TBXAS1: variants seen among roughly 807,000 people sequenced by gnomAD.
The protein encoded by TBXAS1 is thromboxane A synthase 1, also known as thromboxane-A synthase.
Under a neutral mutation model 60.7 loss-of-function variants are expected in TBXAS1, and 48 were observed. The observed-to-expected ratio is 0.79, with a 90% CI of 0.63 to 1.01. The LOEUF is 1.01. TBXAS1 is among the 50% of genes least tolerant of loss of function. The pLI is 0.00. For missense variants in TBXAS1, 685 were observed against 686.3 expected (o/e 1.00, Z 0.02); for synonymous variants, 287 against 269.7 (o/e 1.06, Z -0.63).
intron 4 of TBXAS1, among the ~76,000 whole-genome samples, chr7:139,932,781 G>A (rs1346733929): frequency 6.6e-6 from 1 of 152,128 alleles, no homozygotes; most frequent in Non-Finnish European, 1.5e-5. Flanking sequence ...AAGAGGCCAG[G>A]CACAGTGGCT....
At chr7:139,897,921 C>A (rs1051262684) in intron 3 of TBXAS1, among the ~76,000 whole-genome samples, 3 of 152,188 alleles carry the variant, frequency 2.0e-5, no homozygotes, top group Non-Finnish European at 4.4e-5. Flanking sequence ...TGTCATTCAG[C>A]TGACTCAAGC....
At chr7:139,792,642 A>G (rs1427071958) in intron 4 of TBXAS1, among the ~76,000 whole-genome samples, 4 of 152,226 alleles carry the variant, frequency 2.6e-5, no homozygotes, top group African/African-American at 9.6e-5. Flanking sequence ...CTTTATCTGC[A>G]GGGATGAGGG....
chr7:139,904,647 G>A (rs922457621), intron 3 of TBXAS1, among the ~76,000 whole-genome samples: 1 of 152,076 alleles, frequency 6.6e-6, no homozygotes, highest in African/African-American at 2.4e-5. Flanking sequence ...AGTTTTCCTT[G>A]TAGAGTTCTT....
At chr7:139,977,972 G>A (rs894541177) in intron 9 of TBXAS1, among the ~76,000 whole-genome samples, 7 of 152,088 alleles carry the variant, frequency 4.6e-5, no homozygotes, top group African/African-American at 7.2e-5. Context: ...CATAACACAC[G>A]GACCATTCAG....
intron 4 of TBXAS1, among the ~76,000 whole-genome samples, chr7:139,804,795 A>C (rs1797804587): frequency 6.6e-6 from 1 of 152,148 alleles, no homozygotes; most frequent in Non-Finnish European, 1.5e-5. Context: ...TTTCCACCAT[A>C]ATTGTGAGGC....
intron 4 of TBXAS1, among the ~76,000 whole-genome samples, chr7:139,803,383 G>C (rs1025906257): frequency 1.3e-5 from 2 of 152,180 alleles, no homozygotes; most frequent in African/African-American, 4.8e-5. Context: ...TTTAGGGTAT[G>C]TGGTGGAAGA....
At chr7:139,990,840 T>C (rs1349545102) in intron 9 of TBXAS1, among the ~76,000 whole-genome samples, 2 of 152,116 alleles carry the variant, frequency 1.3e-5, no homozygotes, top group Admixed American at 1.3e-4. Flanking sequence ...TTCCCTCCTG[T>C]GGCAGAGTCA....
chr7:139,916,705 C>A lies in TBXAS1; in HGVS notation c.333+5384C>A, dbSNP rs1806008681. On this transcript the variant is annotated intron_variant, in intron 4 of 12. Coordinates refer to ENST00000448866, the MANE Select transcript of TBXAS1 (RefSeq NM_001061.7). This position sits in a 1 kb window ranked among gnomAD's most constrained non-coding sequence, Gnocchi z 4.2. ...AATTAGTCACTGGAAACCTTCCTGT[C>A]CTCTGTATCTGCAGCAGCCTCCTAT... is the stretch of plus-strand genomic sequence containing the variant. Among the ~76,000 whole-genome samples, 1 of 152,196 alleles carries A rather than the reference C, an allele frequency of 6.6e-6. No individual in the cohort carries two copies. Among genetic ancestry groups the A allele is most frequent in the Admixed American group, 6.5e-5 (1 of 15,284 alleles).
chr7:139,857,576 T>C (rs1206376705), intron 1 of TBXAS1, among the ~76,000 whole-genome samples: 1 of 152,180 alleles, frequency 6.6e-6, no homozygotes, highest in African/African-American at 2.4e-5. Context: ...GTTTTCACAA[T>C]AGAAACACAC....
intron 1 of TBXAS1, among the ~76,000 whole-genome samples, chr7:139,842,642 G>A (rs1041681758): frequency 1.3e-5 from 2 of 152,218 alleles, no homozygotes; most frequent in Non-Finnish European, 2.9e-5. Flanking sequence ...ACCAGAAATA[G>A]GTGCTGTTGC....
intron 4 of TBXAS1, among the ~76,000 whole-genome samples, chr7:139,809,750 C>T (rs187659290): frequency 1.1e-3 from 175 of 152,252 alleles, no homozygotes; most frequent in Non-Finnish European, 2.2e-3. Flanking sequence ...GTGGATTCAC[C>T]TGCCTTTTTG....
intron 1 of TBXAS1, among the ~76,000 whole-genome samples, chr7:139,865,185 T>C (rs1235133496): frequency 6.6e-6 from 1 of 152,000 alleles, no homozygotes; most frequent in Non-Finnish European, 1.5e-5. Flanking sequence ...GGACACTAGG[T>C]GCTAAAAGGG....
Position 139,999,279 on chromosome 7 carries a change from C to T in TBXAS1, c.1135-7812C>T, listed in dbSNP as rs1307014117. ...ATGGCTTACGCCTATAATCCCAGCA[C>T]TTTGGGAGGCCGAGGTGGGTGAATC... On this transcript the variant is annotated intron_variant, in intron 9 of 12. Transcript: ENST00000448866. The surrounding 1 kb of genome is among the most constrained non-coding windows in gnomAD (Gnocchi z 4.3). 6.6e-6 allele frequency among the ~76,000 whole-genome samples: 1 copy of T among 152,228 alleles called. No homozygotes were observed. Among genetic ancestry groups the T allele is most frequent in the African/African-American group, 2.4e-5 (1 of 41,460 alleles).
rs1480813476 is a variant in TBXAS1, at chr7:139,975,119, T to G, written c.1134+12886T>G. On this transcript the variant is annotated intron_variant, in intron 9 of 12. Transcript: ENST00000448866. The surrounding 1 kb of genome is among the most constrained non-coding windows in gnomAD (Gnocchi z 4.4). Reference sequence around the variant, plus strand: ...TTTCTTCGCCAGAAAACCTCAGTTTTTGCTCTTACGGCCTTCAACCGATTG... The same window carrying G: ...TTTCTTCGCCAGAAAACCTCAGTTTGTGCTCTTACGGCCTTCAACCGATTG... Among the ~76,000 whole-genome samples the G allele has an allele frequency of 6.6e-6, 1 of 152,222 alleles. No individual in the cohort carries two copies. The highest frequency in any genetic ancestry group is 6.5e-5 in the Admixed American group (1 of 15,290).
intron 5 of TBXAS1, among the ~76,000 whole-genome samples, chr7:139,943,334 C>G (rs1478887948): frequency 1.1e-4 from 16 of 152,296 alleles, no homozygotes; most frequent in African/African-American, 3.8e-4. Flanking sequence ...GACCATTATC[C>G]TGAGACACAG....
rs111842079 is a variant in TBXAS1 at position 140,013,917 on chromosome 7, A to T, written c.1227-1806A>T. On this transcript the variant is annotated intron_variant, in intron 10 of 12. Transcript: ENST00000448866. The surrounding 1 kb of genome is among the most constrained non-coding windows in gnomAD (Gnocchi z 4.2). ...GGCTTCTGATCTGCTGCCGTCCCCG[A>T]TTCATGGCCTCACTTCACCCACTGA... Among the ~76,000 whole-genome samples the T allele has an allele frequency of 1.3e-5, 2 of 152,098 alleles. No homozygotes were observed. The highest frequency in any genetic ancestry group is 2.4e-5 in the African/African-American group (1 of 41,406).
At chr7:139,958,684 C>T (rs891205962) in intron 8 of TBXAS1, among the ~76,000 whole-genome samples, 9 of 152,210 alleles carry the variant, frequency 5.9e-5, no homozygotes, top group African/African-American at 2.2e-4. Flanking sequence ...CGGCCTTGGG[C>T]AGCAGCCGCG....
intron 9 of TBXAS1, chr7:139,962,796 GATATAAC>G: frequency 6.3e-6 from 1 of 159,762 alleles, no homozygotes; most frequent in Non-Finnish European, 1.4e-5. Flanking sequence ...GTTTATAGCA[GATATAAC>G]GAGGGTGCTG....
intron 9 of TBXAS1, among the ~76,000 whole-genome samples, chr7:139,985,121 C>G (rs1168022909): frequency 1.3e-5 from 2 of 152,222 alleles, no homozygotes; most frequent in African/African-American, 4.8e-5. Context: ...TAAGGCAGGA[C>G]TTTCCACGAG....
Sources: allele counts gnomAD v4.1 joint callset (sites outside exome capture counted in the v4.1 genomes callset), GRCh38; gene constraint gnomAD v4.1.1; non-coding constraint Gnocchi (gnomAD v3.1); transcripts MANE v1.5; gene names NCBI Gene and HGNC (gene_info 2026-07-23, HGNC 2026-07-21).